Variants in TTBK2 observed in about 807,000 individuals in gnomAD.
The protein encoded by TTBK2 is tau-tubulin kinase 2.
TTBK2 carries 28 observed loss-of-function variants against 110.8 expected under a neutral mutation model. The observed-to-expected ratio is 0.25, with a 90% CI of 0.19 to 0.35. The LOEUF (loss-of-function observed/expected upper bound fraction) is 0.35, where lower values mean the gene tolerates loss of function less well. Ranked by LOEUF, TTBK2 falls within the 10% of genes least tolerant of loss-of-function variation. TTBK2 has a pLI of 1.00. For synonymous variants in TTBK2, 532 were observed against 527.3 expected, an observed-to-expected ratio of 1.01 and a Z score of -0.12; for missense variants, 1,369 against 1,500.3, an observed-to-expected ratio of 0.91 and a Z score of 1.45.
intron 10 of TTBK2, among the ~76,000 whole-genome samples, chr15:42,792,380 T>A (rs192067520): frequency 2.6e-5 from 4 of 152,340 alleles, no homozygotes; most frequent in African/African-American, 9.6e-5. Flanking sequence ...GTGTAGTTTC[T>A]GTCTCCTGAC....
rs1445073060 is a variant in TTBK2, at chr15:42,881,333, A to G, written c.-67-2649T>C. On this transcript the variant is annotated intron_variant, in intron 1 of 14. Coordinates refer to ENST00000267890, the MANE Select transcript of TTBK2 (RefSeq NM_173500.4). Reference sequence around the variant, plus strand: ...TCAACATTTTCCACAGAATTTAAATAAGACTCAAATTTCAAAAAAAAAAAA... The same window carrying G: ...TCAACATTTTCCACAGAATTTAAATGAGACTCAAATTTCAAAAAAAAAAAA... Among the ~76,000 whole-genome samples, 4 of 151,254 alleles carry G rather than the reference A, an allele frequency of 2.6e-5. No homozygotes were observed. The East Asian group carries it at 7.7e-4, about 29-fold the overall frequency.
intron 1 of TTBK2, among the ~76,000 whole-genome samples, chr15:42,885,500 C>T (rs568489697): frequency 3.8e-4 from 58 of 152,346 alleles, no homozygotes; most frequent in Admixed American, 2.2e-3. Flanking sequence ...CGGCACCAGT[C>T]ACGGACTCAG....
intron 1 of TTBK2, among the ~76,000 whole-genome samples, chr15:42,886,045 G>A (rs1176439345): frequency 1.3e-5 from 2 of 152,016 alleles, no homozygotes; most frequent in African/African-American, 4.8e-5. Flanking sequence ...TTTACACATT[G>A]GTCCCTCCCT....
rs1425331325 is a variant in TTBK2 at position 42,779,960 on chromosome 15, CAG to C, written c.1198-2720_1198-2719del. Among the ~76,000 whole-genome samples the C allele has an allele frequency of 1.3e-4, 20 of 151,952 alleles. No individual in the cohort carries two copies. In the South Asian group the frequency reaches 2.3e-3, roughly 17 times the overall value. The stretch of plus-strand genomic sequence containing the variant: ...CACCGCTGCACTCCAGCCTAGGTGA[CAG>C]AGCGAGACTCTGTCTCAAAAAATAA... On this transcript the variant is annotated intron_variant, in intron 11 of 14. Coordinates refer to ENST00000267890, the MANE Select transcript of TTBK2 (RefSeq NM_173500.4).
intron 10 of TTBK2, among the ~76,000 whole-genome samples, chr15:42,792,328 C>G (rs888098940): frequency 1.3e-5 from 2 of 152,120 alleles, no homozygotes; most frequent in African/African-American, 4.8e-5. Flanking sequence ...TATTGTGTAG[C>G]CATAAATAAT....
rs868737754 is a variant in TTBK2 at position 42,783,612 on chromosome 15, G to T, written c.1004C>A (p.Pro335His). The change falls in exon 11 of 15, where the codon CCT becomes CAT. Residue 335 changes from proline to histidine, a missense_variant. Physicochemically the swap from Pro to His is moderately conservative, Grantham distance 77. Transcript: ENST00000267890. ...TGTATTTTCTCGAAGCAAGTCTCCA[G>T]GGATGGGAGTAGCATTGGCAATTCT... ...AIGIANATPI[P>H]GDLLRENTDE... 1 of 1,614,020 alleles carries T rather than the reference G, an allele frequency of 6.2e-7. No homozygotes were observed. The highest frequency in any genetic ancestry group is 1.1e-5 in the South Asian group (1 of 91,074).
chr15:42,752,721 T>C lies in TTBK2; in HGVS notation c.2525A>G (p.Glu842Gly), dbSNP rs202004988. The part of the protein sequence containing the change: ...SVVPNQDKNN[E>G]IMKLLTVGTS... ...TCCAACTGTCAGAAGCTTCATTATC[T>C]CATTATTTTTGTCTTGATTTGGCAC... The change falls in exon 14 of 15, where the codon GAG (glutamate) becomes GGG (glycine). Residue 842 changes from glutamate to glycine, a missense_variant. Physicochemically the swap from Glu to Gly is moderately conservative, Grantham distance 98. This residue lies in a region of TTBK2 where 1,097 missense variants were observed against 1,114.7 expected (regional missense o/e 0.98). Transcript: ENST00000267890. The C allele has an allele frequency of 4.3e-4, 696 of 1,614,202 alleles. 11 individuals are homozygous for C. In the South Asian group the frequency reaches 7.1e-3, roughly 17 times the overall value.
chr15:42,763,193 T>TATA (rs1567009144), intron 13 of TTBK2, among the ~76,000 whole-genome samples: 1 of 3,372 alleles, frequency 3.0e-4, no homozygotes, highest in Non-Finnish European at 5.3e-4. Context: ...TATATATATA[T>TATA]TTTTTTTTTT....
intron 3 of TTBK2, among the ~76,000 whole-genome samples, chr15:42,849,339 T>C (rs951400924): frequency 1.1e-4 from 16 of 152,210 alleles, no homozygotes; most frequent in African/African-American, 3.9e-4. Context: ...TTATATCTTC[T>C]ATTCCCTTGC....
intron 1 of TTBK2, among the ~76,000 whole-genome samples, chr15:42,892,589 C>T (rs761203050): frequency 6.5e-4 from 99 of 151,184 alleles, no homozygotes; most frequent in Non-Finnish European, 1.2e-3. Flanking sequence ...ATCTGTGGTC[C>T]CAGCTACTCA....
intron 10 of TTBK2, among the ~76,000 whole-genome samples, chr15:42,790,900 T>G (rs546610897): frequency 6.7e-4 from 102 of 152,130 alleles, no homozygotes; most frequent in Non-Finnish European, 9.1e-4. Flanking sequence ...TTTGTTTGTT[T>G]TGAGATGGAG....
At chr15:42,876,568 T>C (rs1894826330) in intron 2 of TTBK2, among the ~76,000 whole-genome samples, 1 of 152,190 alleles carries the variant, frequency 6.6e-6, no homozygotes, top group African/African-American at 2.4e-5. Flanking sequence ...ACCTAATCAG[T>C]AAAACACATT....
At chr15:42,915,478 A>G (rs1489503857) in intron 1 of TTBK2, among the ~76,000 whole-genome samples, 2 of 152,240 alleles carry the variant, frequency 1.3e-5, no homozygotes, top group Admixed American at 6.5e-5. Flanking sequence ...TGCTTAATTT[A>G]TAAACTTTAT....
chr15:42,829,803 C>A, intron 5 of TTBK2, 135 bp downstream of exon 5: 1 of 1,222,672 alleles, frequency 8.2e-7, no homozygotes, highest in Non-Finnish European at 1.2e-6. Flanking sequence ...GCTTCCAGGT[C>A]TCTATTGGAA....
At chr15:42,858,356 T>C (rs1209131363) in intron 3 of TTBK2, among the ~76,000 whole-genome samples, 1 of 152,118 alleles carries the variant, frequency 6.6e-6, no homozygotes, top group Non-Finnish European at 1.5e-5. Flanking sequence ...TTATATGACG[T>C]CTATAATTTA....
chr15:42,918,442 C>T (rs2031200546), intron 1 of TTBK2, among the ~76,000 whole-genome samples: 1 of 152,040 alleles, frequency 6.6e-6, no homozygotes, highest in Non-Finnish European at 1.5e-5. Context: ...GGTTCTGGCT[C>T]AGAGTCTCTC....
rs543214146 is a variant in TTBK2 at position 42,821,053 on chromosome 15, A to AG, written c.538-3957_538-3956insC. Reference sequence around the variant, plus strand: ...GAGACTTTGTCTAAAAGAAAAAAAAAAAGAATGAGGAAGTTCTATATACTA... The same window carrying AG: ...GAGACTTTGTCTAAAAGAAAAAAAAAGAAGAATGAGGAAGTTCTATATACTA... On this transcript the variant is annotated intron_variant, in intron 6 of 14. Coordinates refer to ENST00000267890, the MANE Select transcript of TTBK2 (RefSeq NM_173500.4). Among the ~76,000 whole-genome samples, 289 of 152,302 alleles carry AG rather than the reference A, an allele frequency of 1.9e-3. 1 individual carries two copies. The highest frequency in any genetic ancestry group is 6.7e-3 in the African/African-American group (280 of 41,554).
At chr15:42,816,202 C>G (rs550185117) in intron 7 of TTBK2, among the ~76,000 whole-genome samples, 1 of 144,142 alleles carries the variant, frequency 6.9e-6, no homozygotes. Context: ...CCACAACCTT[C>G]GCCTCCCAGG....
intron 1 of TTBK2, among the ~76,000 whole-genome samples, chr15:42,919,478 G>A (rs1160052023): frequency 2.0e-5 from 3 of 152,144 alleles, no homozygotes; most frequent in African/African-American, 7.2e-5. Flanking sequence ...CAATGGCTCA[G>A]AACCAAACAT....
Sources: gnomAD v4.1 joint callset for allele counts (sites outside exome capture counted in the v4.1 genomes callset) on GRCh38, gnomAD v4.1.1 for gene constraint, gnomAD v4.1.1 regional missense constraint, MANE v1.5 for transcripts, NCBI Gene and HGNC (gene_info 2026-07-23, HGNC 2026-07-21) for gene names.